The following ACTR3C variants were observed in gnomAD, a reference collection of about 807,000 sequenced individuals.
ACTR3C encodes actin related protein 3C, also known as actin-related protein 3C.
Under a neutral mutation model 26.3 loss-of-function variants are expected in ACTR3C, and 18 were observed. The ratio of observed to expected loss-of-function variants is 0.68; its 90% confidence interval spans 0.47 to 1.01. The LOEUF (loss-of-function observed/expected upper bound fraction) is 1.01. Ranked by LOEUF, ACTR3C falls within the 50% of genes least tolerant of loss-of-function variation. ACTR3C has a pLI of 0.00. For missense variants in ACTR3C, 184 were observed against 250.7 expected (o/e 0.73, Z 1.80); for synonymous variants, 55 against 94.5 (o/e 0.58, Z 2.42).
At chr7:150,167,309 A>T in the ACTR3C span, among the ~76,000 whole-genome samples, 13 of 150,780 alleles carry the variant, frequency 8.6e-5, 1 homozygote, top group Admixed American at 5.9e-4. Flanking sequence ...CTTTCTGTGC[A>T]TCTCTGCCAG....
chr7:149,885,410 C>G, the ACTR3C span, among the ~76,000 whole-genome samples: 1 of 152,348 alleles, frequency 6.6e-6, no homozygotes, highest in South Asian at 2.1e-4. Flanking sequence ...AGGCACTGAT[C>G]CCAGCATGAG....
At chr7:150,038,890 T>TCCC in the ACTR3C span, among the ~76,000 whole-genome samples, 43 of 65,728 alleles carry the variant, frequency 6.5e-4, 2 homozygotes, top group South Asian at 9.1e-3. Flanking sequence ...GGGGGGTGCC[T>TCCC]CCCCCCTGCG....
At chr7:150,037,600 GTAA>G in the ACTR3C span, among the ~76,000 whole-genome samples, 5 of 77,806 alleles carry the variant, frequency 6.4e-5, no homozygotes, top group African/African-American at 1.7e-4. Context: ...CTGGCTCTCA[GTAA>G]TCCCACGTAA....
At chr7:150,039,482 G>A in the ACTR3C span, among the ~76,000 whole-genome samples, 40 of 96,014 alleles carry the variant, frequency 4.2e-4, no homozygotes, top group East Asian at 7.4e-4. Flanking sequence ...GGCGGAAGAG[G>A]GGATAGCTCT....
At chr7:149,903,892 T>TGC in the ACTR3C span, among the ~76,000 whole-genome samples, 25 of 67,354 alleles carry the variant, frequency 3.7e-4, 1 homozygote, top group African/African-American at 1.5e-3. Flanking sequence ...TTGTTGTTGT[T>TGC]TGTTGTTGCT....
the ACTR3C span, among the ~76,000 whole-genome samples, chr7:150,183,943 C>T: frequency 6.6e-6 from 1 of 150,536 alleles, no homozygotes; most frequent in African/African-American, 2.5e-5. Flanking sequence ...ATTTCCCCTA[C>T]TTGCTCTCAT....
chr7:150,187,203 A>C, the ACTR3C span, among the ~76,000 whole-genome samples: 2 of 150,952 alleles, frequency 1.3e-5, no homozygotes, highest in Non-Finnish European at 2.9e-5. Context: ...CTATTTCTTT[A>C]AATTATAACC....
chr7:150,029,403 C>CAAAAAAAAAAA, the ACTR3C span, among the ~76,000 whole-genome samples: 1 of 41,410 alleles, frequency 2.4e-5, no homozygotes, highest in African/African-American at 9.8e-5. Flanking sequence ...TTATCAAAAA[C>CAAAAAAAAAAA]AAAAAAAAAA....
chr7:150,088,637 T>C, the ACTR3C span, among the ~76,000 whole-genome samples: 284 of 152,352 alleles, frequency 1.9e-3, 2 homozygotes, highest in African/African-American at 6.6e-3. Flanking sequence ...TAAAAAAAGA[T>C]ATTACATATG....
the ACTR3C span, among the ~76,000 whole-genome samples, chr7:150,042,433 T>C: frequency 0.03 from 3,784 of 126,014 alleles, 39 homozygotes; most frequent in Non-Finnish European, 0.041. Context: ...GGGTGCCTCC[T>C]CCCCTGTGAT....
the ACTR3C span, among the ~76,000 whole-genome samples, chr7:150,140,670 A>G: frequency 1.6e-4 from 24 of 152,326 alleles, no homozygotes; most frequent in African/African-American, 5.8e-4. Context: ...ACTCTTTTCA[A>G]AAAGCAACAC....
At chr7:150,298,941 A>G (rs79455254) in intron 1 of ACTR3C, among the ~76,000 whole-genome samples, 3,112 of 151,498 alleles carry the variant, frequency 0.021, 94 homozygotes, top group African/African-American at 0.071. Flanking sequence ...ACATTCTTAA[A>G]TATCCTTCTG....
At chr7:150,107,924 C>T in the ACTR3C span, among the ~76,000 whole-genome samples, 1 of 151,894 alleles carries the variant, frequency 6.6e-6, no homozygotes, top group African/African-American at 2.4e-5. Flanking sequence ...GAGCAAGTAC[C>T]CCATTTGGTC....
the ACTR3C span, among the ~76,000 whole-genome samples, chr7:149,970,262 C>A: frequency 6.6e-6 from 1 of 151,466 alleles, no homozygotes; most frequent in African/African-American, 2.4e-5. Context: ...CTGAAGCATG[C>A]AGCAAAGGAA....
the ACTR3C span, among the ~76,000 whole-genome samples, chr7:150,071,009 T>C: frequency 6.9e-6 from 1 of 145,082 alleles, no homozygotes; most frequent in African/African-American, 2.6e-5. Flanking sequence ...TTAGCCAGGA[T>C]GGTCTCGATC....
chr7:150,120,111 A>T, the ACTR3C span, among the ~76,000 whole-genome samples: 2 of 152,214 alleles, frequency 1.3e-5, no homozygotes, highest in African/African-American at 4.8e-5. Flanking sequence ...TTATGGCACT[A>T]AACACCCACA....
chr7:150,138,855 G>C, the ACTR3C span, among the ~76,000 whole-genome samples: 2 of 152,306 alleles, frequency 1.3e-5, no homozygotes, highest in African/African-American at 2.4e-5. Context: ...TGCAGCATCA[G>C]ATCCTCATAG....
the ACTR3C span, among the ~76,000 whole-genome samples, chr7:150,019,599 A>AATAATAATAAT: frequency 3.6e-5 from 4 of 109,816 alleles, no homozygotes; most frequent in African/African-American, 1.4e-4. Flanking sequence ...TCAAAAATAA[A>AATAATAATAAT]AATAATAATA....
chr7:150,182,392 T>G, the ACTR3C span, among the ~76,000 whole-genome samples: 1 of 150,896 alleles, frequency 6.6e-6, no homozygotes, highest in Non-Finnish European at 1.5e-5. Context: ...TCAATTTTGG[T>G]CTGATATTGT....
Sources: allele counts gnomAD v4.1 joint callset (sites outside exome capture counted in the v4.1 genomes callset), GRCh38; gene constraint gnomAD v4.1.1; transcripts MANE v1.5; gene names NCBI Gene and HGNC (gene_info 2026-07-23, HGNC 2026-07-21).